AUTS2: variants seen among roughly 807,000 people sequenced by gnomAD.
The protein encoded by AUTS2 is autism susceptibility gene 2 protein.
In AUTS2, 17 loss-of-function variants were observed where a neutral mutation model predicts 112.4. That is an observed-to-expected ratio of 0.15 (90% CI 0.10 to 0.23). AUTS2 has a LOEUF of 0.23. AUTS2 is among the 10% of genes least tolerant of loss of function. AUTS2 has a pLI of 1.00. For missense variants in AUTS2, 1,510 were observed against 1,701.6 expected (o/e 0.89, Z 1.98); for synonymous variants, 751 against 702.7 (o/e 1.07, Z -1.09).
At chr7:70,155,228 T>C (rs1267761655) in intron 4 of AUTS2, among the ~76,000 whole-genome samples, 1 of 152,112 alleles carries the variant, frequency 6.6e-6, no homozygotes, top group Non-Finnish European at 1.5e-5. Context: ...TGGGCTGAGC[T>C]CTGGGGAGGG....
chr7:69,990,190 A>T (rs916930770), intron 2 of AUTS2, among the ~76,000 whole-genome samples: 2 of 152,162 alleles, frequency 1.3e-5, no homozygotes, highest in African/African-American at 4.8e-5. Flanking sequence ...TGTATATTTC[A>T]TTGGGTTTTT....
rs573465582 is a variant in AUTS2 at position 70,103,824 on chromosome 7, C to T, written c.523-14308C>T. Among the ~76,000 whole-genome samples, 14 of 151,474 alleles carry T rather than the reference C, an allele frequency of 9.2e-5. No individual in the cohort carries two copies. In the South Asian group the frequency reaches 2.5e-3, roughly 27 times the overall value. On this transcript the variant is annotated intron_variant, in intron 2 of 18. Transcript: ENST00000342771. ...AGTTGGGAGGCTGAGGCAGGAGAATCGCTTGAACCTGGGAGGTGGAGGTTG... is the reference window on the plus strand; with the variant it reads ...AGTTGGGAGGCTGAGGCAGGAGAATTGCTTGAACCTGGGAGGTGGAGGTTG...
chr7:70,563,987 G>GT (rs1291375288), intron 5 of AUTS2, among the ~76,000 whole-genome samples: 1 of 152,068 alleles, frequency 6.6e-6, no homozygotes, highest in Non-Finnish European at 1.5e-5. Context: ...TTTGTGGTTA[G>GT]TTTCAAAATG....
chr7:69,634,884 G>T (rs1239644214), intron 1 of AUTS2, among the ~76,000 whole-genome samples: 2 of 152,164 alleles, frequency 1.3e-5, no homozygotes, highest in Non-Finnish European at 2.9e-5. Context: ...TTCAAACTGG[G>T]TATTGGTGAC....
chr7:70,460,123 C>G (rs1230131706), intron 5 of AUTS2, among the ~76,000 whole-genome samples: 1 of 152,086 alleles, frequency 6.6e-6, no homozygotes, highest in Non-Finnish European at 1.5e-5. Flanking sequence ...AGTTTAAAAC[C>G]AGCATTCCAA....
intron 6 of AUTS2, among the ~76,000 whole-genome samples, chr7:70,735,000 G>C (rs1313375248): frequency 2.6e-5 from 4 of 151,560 alleles, no homozygotes; most frequent in Non-Finnish European, 5.9e-5. Context: ...TATAAATCTG[G>C]AGGAGGAAAA....
At chr7:70,533,386 T>G (rs1800176627) in intron 5 of AUTS2, among the ~76,000 whole-genome samples, 1 of 152,114 alleles carries the variant, frequency 6.6e-6, no homozygotes, top group Non-Finnish European at 1.5e-5. Flanking sequence ...AGTGATGGGA[T>G]TATAGGCGTG....
At chr7:70,033,839 A>C (rs188476548) in intron 2 of AUTS2, among the ~76,000 whole-genome samples, 287 of 152,164 alleles carry the variant, frequency 1.9e-3, no homozygotes, top group Admixed American at 3.3e-3. Context: ...GATAGGGAGA[A>C]TTGGTAAGGG....
At chr7:69,878,625 A>C (rs940261994) in intron 1 of AUTS2, among the ~76,000 whole-genome samples, 2 of 152,242 alleles carry the variant, frequency 1.3e-5, no homozygotes, top group Admixed American at 6.5e-5. Flanking sequence ...AGAAGAAGCC[A>C]CATGACTCGG....
chr7:70,005,133 T>A (rs1799488861), intron 2 of AUTS2, among the ~76,000 whole-genome samples: 1 of 150,090 alleles, frequency 6.7e-6, no homozygotes, highest in Non-Finnish European at 1.5e-5. Flanking sequence ...CTTTGAAATA[T>A]TTTTTTTTTA....
chr7:70,764,568 G>A (rs991354930), intron 7 of AUTS2, among the ~76,000 whole-genome samples, 184 bp from the exon 8 acceptor site: 2 of 152,200 alleles, frequency 1.3e-5, no homozygotes, highest in Admixed American at 6.5e-5. Flanking sequence ...CTGCAGTAGC[G>A]ATGGGAAAGT....
intron 4 of AUTS2, among the ~76,000 whole-genome samples, chr7:70,203,478 A>T (rs1006065136): frequency 6.6e-6 from 1 of 151,376 alleles, no homozygotes; most frequent in Non-Finnish European, 1.5e-5. Context: ...ATGATAAAGA[A>T]AACTATTGAT....
chr7:69,790,373 T>C (rs1007734911), intron 1 of AUTS2, among the ~76,000 whole-genome samples: 1 of 152,128 alleles, frequency 6.6e-6, no homozygotes, highest in Non-Finnish European at 1.5e-5. Flanking sequence ...GAATACACAT[T>C]ATGGAGGATA....
intron 1 of AUTS2, among the ~76,000 whole-genome samples, chr7:69,815,198 G>T (rs1446577007): frequency 1.3e-5 from 2 of 152,216 alleles, no homozygotes; most frequent in East Asian, 3.9e-4. Context: ...GCTAGAAAAT[G>T]GATATATTTT....
At chr7:70,673,149 C>T (rs111339372) in intron 5 of AUTS2, among the ~76,000 whole-genome samples, 38 of 152,126 alleles carry the variant, frequency 2.5e-4, no homozygotes, top group African/African-American at 7.2e-4. Context: ...AGCAACCCAA[C>T]GCGAGTGACC....
chr7:69,655,772 G>A (rs960595765), intron 1 of AUTS2, among the ~76,000 whole-genome samples: 3 of 152,150 alleles, frequency 2.0e-5, no homozygotes, highest in African/African-American at 7.2e-5. Flanking sequence ...AGTGTCTCAG[G>A]GGAGGGCCGT....
intron 4 of AUTS2, among the ~76,000 whole-genome samples, chr7:70,340,010 T>C (rs1053077252): frequency 7.2e-5 from 11 of 152,126 alleles, no homozygotes; most frequent in Admixed American, 5.2e-4. Context: ...AGGGTTAAAA[T>C]TGCAGCTCTT....
chr7:70,366,028 A>G (rs560249210), intron 4 of AUTS2, among the ~76,000 whole-genome samples: 1 of 152,316 alleles, frequency 6.6e-6, no homozygotes, highest in Admixed American at 6.5e-5. Flanking sequence ...AGGGCTTCCA[A>G]GTTTAGTAAC....
At chr7:70,722,467 G>A (rs574729827) in intron 6 of AUTS2, among the ~76,000 whole-genome samples, 1 of 152,244 alleles carries the variant, frequency 6.6e-6, no homozygotes, top group South Asian at 2.1e-4. Flanking sequence ...AGCTTTTAGA[G>A]CTCTGGATTC....
Sources: gnomAD v4.1 joint callset for allele counts (sites outside exome capture counted in the v4.1 genomes callset) on GRCh38, gnomAD v4.1.1 for gene constraint, MANE v1.5 for transcripts, NCBI Gene and HGNC (gene_info 2026-07-23, HGNC 2026-07-21) for gene names.